The following DHX33 variants were observed in gnomAD, a reference collection of about 807,000 sequenced individuals.
DHX33 encodes DEAH-box helicase 33, also known as ATP-dependent RNA helicase DHX33.
A neutral mutation model predicts 72.5 loss-of-function variants in DHX33; 42 were observed. That is an observed-to-expected ratio of 0.58 (90% CI 0.45 to 0.75). The LOEUF (loss-of-function observed/expected upper bound fraction) is 0.75, where lower values mean the gene tolerates loss of function less well. DHX33 is among the 30% of genes least tolerant of loss of function. DHX33 has a pLI of 0.00. For synonymous variants in DHX33, 358 were observed against 366.1 expected (o/e 0.98, Z 0.25); for missense variants, 842 against 917.5 (o/e 0.92, Z 1.06).
Position 5,468,810 on chromosome 17 carries a change from G to C in DHX33, c.50C>G (p.Ser17Cys), listed in dbSNP as rs745783181. The change falls in exon 1 of 12, where the codon TCT becomes TGT. Residue 17 changes from serine (S) to cysteine (C), a missense_variant. Coordinates refer to ENST00000225296, the MANE Select transcript of DHX33 (RefSeq NM_020162.4). ...FPPAKRFRPG[S>C]GPPSRAGSFP... ...GGACCCAGCGCGGCTCGGAGGTCCA[G>C]AGCCTGGCCGGAATCTCTTGGCCGG... The C allele has an allele frequency of 1.1e-5, 18 of 1,588,070 alleles. No homozygotes were observed. The highest frequency in any genetic ancestry group is 1.4e-5 in the Non-Finnish European group (16 of 1,167,810).
rs1904683864 is a variant in DHX33, at chr17:5,462,442, A to G, written c.555T>C (p.Leu185=). 1 of 1,614,188 alleles carries G rather than the reference A, an allele frequency of 6.2e-7. No individual in the cohort carries two copies. The highest frequency in any genetic ancestry group is 2.2e-5 in the East Asian group (1 of 44,876). Residue 185 remains leucine, a synonymous_variant, in exon 3 of 12, where the codon CTT becomes CTC. Transcript: ENST00000225296. The part of the protein sequence containing the change: ...LLREAISDSL[L]RKYSCVILDE... ...CCAAAATGACACAGCTGTATTTCCGAAGCAAAGAGTCTGAAATTGCTTCAC... is the reference window on the plus strand; with the variant it reads ...CCAAAATGACACAGCTGTATTTCCGGAGCAAAGAGTCTGAAATTGCTTCAC...
chr17:5,460,274 A>G (rs978116198), intron 4 of DHX33, among the ~76,000 whole-genome samples: 5 of 152,070 alleles, frequency 3.3e-5, no homozygotes, highest in African/African-American at 1.2e-4. Context: ...TCGGCCTCCC[A>G]AAGTGCTGGG....
Position 5,468,742 on chromosome 17 carries a change from T to G in DHX33, c.118A>C (p.Ser40Arg). The change falls in exon 1 of 12, where the codon AGC (serine) becomes CGC (arginine). Residue 40 changes from serine to arginine, a missense_variant. Ser to Arg is a moderately radical substitution (Grantham distance 110). Coordinates refer to ENST00000225296, the MANE Select transcript of DHX33 (RefSeq NM_020162.4). ...RQVVMLLTAG[S>R]GGRGGGGGRR... ...CCTCCTCCTCCTCCTCTGCCGCCGCTGCCCGCAGTCAGCAGCATCACCACT... is the reference window on the plus strand; with the variant it reads ...CCTCCTCCTCCTCCTCTGCCGCCGCGGCCCGCAGTCAGCAGCATCACCACT... 6.2e-7 allele frequency: 1 copy of G among 1,611,260 alleles called. No homozygotes were observed. The highest frequency in any genetic ancestry group is 8.5e-7 in the Non-Finnish European group (1 of 1,179,086).
chr17:5,452,923 T>C (rs1169754300), intron 8 of DHX33, among the ~76,000 whole-genome samples: 2 of 152,144 alleles, frequency 1.3e-5, no homozygotes, highest in South Asian at 2.1e-4. Flanking sequence ...TTTAAACCAA[T>C]TGCATTTCTT....
intron 1 of DHX33, among the ~76,000 whole-genome samples, chr17:5,466,830 G>T (rs999620689): frequency 1.3e-5 from 2 of 152,090 alleles, no homozygotes; most frequent in Non-Finnish European, 1.5e-5. Flanking sequence ...ACTTACCAAG[G>T]TTTTCAACAA....
chr17:5,458,649 G>A (rs943798821), intron 4 of DHX33, among the ~76,000 whole-genome samples: 4 of 152,078 alleles, frequency 2.6e-5, no homozygotes, highest in African/African-American at 7.2e-5. Flanking sequence ...GGGTTGGGGA[G>A]GGGCATTCTA....
chr17:5,462,349 C>A lies in DHX33; in HGVS notation c.648G>T (p.Arg216Ser). The change falls in exon 3 of 12, where the codon AGG (arginine) becomes AGT (serine). Residue 216 changes from arginine (R) to serine (S), a missense_variant. Coordinates refer to ENST00000225296, the MANE Select transcript of DHX33 (RefSeq NM_020162.4). Reference sequence around the variant, plus strand: ...GAGGAAGTTTCCCGAGTTCCTTTCTCCTCTTCTGTGCAGCTTTCACCACTC... The same window carrying A: ...GAGGAAGTTTCCCGAGTTCCTTTCTACTCTTCTGTGCAGCTTTCACCACTC... ...LFGVVKAAQK[R>S]RKELGKLPLK... 1 of 1,614,038 alleles carries A rather than the reference C, an allele frequency of 6.2e-7. No individual in the cohort carries two copies. Among genetic ancestry groups the A allele is most frequent in the Non-Finnish European group, 8.5e-7 (1 of 1,180,026 alleles).
intron 11 of DHX33, among the ~76,000 whole-genome samples, chr17:5,446,036 C>T (rs1204326855): frequency 2.0e-5 from 3 of 152,186 alleles, no homozygotes; most frequent in East Asian, 1.9e-4. Context: ...TGCAGTGGCA[C>T]AATCCCAGCT....
Position 5,450,228 on chromosome 17 carries a change from G to T in DHX33, c.1703C>A (p.Thr568Asn). Residue 568 changes from threonine (T) to asparagine (N), a missense_variant, in exon 10 of 12, where the codon ACC becomes AAC. Physicochemically the swap from Thr to Asn is moderately conservative, Grantham distance 65. Coordinates refer to ENST00000225296, the MANE Select transcript of DHX33 (RefSeq NM_020162.4). ...DHMTLLNIYR[T>N]FKNLGGNKDW... ...CTTATTTCCGCCTAGGTTTTTGAAGGTCCGATAGATATTGAGCAGGGTCAT... is the reference window on the plus strand; with the variant it reads ...CTTATTTCCGCCTAGGTTTTTGAAGTTCCGATAGATATTGAGCAGGGTCAT... 1 of 1,614,170 alleles carries T rather than the reference G, an allele frequency of 6.2e-7. No individual in the cohort carries two copies. Among genetic ancestry groups the T allele is most frequent in the African/African-American group, 1.3e-5 (1 of 75,044 alleles).
chr17:5,440,942 G>T lies in DHX33; in HGVS notation c.*3263C>A, dbSNP rs967365231. ...TACAAGATTCATTTTTAATGGATTT[G>T]ATCGTCGGGTGCAAATTTGAGCATT... On this transcript the variant is annotated 3_prime_UTR_variant, in exon 12 of 12. Transcript: ENST00000225296. 6.6e-6 allele frequency: 1 copy of T among 152,216 alleles called. No individual in the cohort carries two copies. Among genetic ancestry groups the T allele is most frequent in the Admixed American group, 6.5e-5 (1 of 15,288 alleles). 9.4% of individuals were successfully genotyped at this position (152,216 alleles called of 1,614,324 possible).
intron 8 of DHX33, among the ~76,000 whole-genome samples, chr17:5,451,608 G>A (rs868414428): frequency 8.6e-5 from 13 of 152,024 alleles, no homozygotes; most frequent in Admixed American, 1.3e-4. Flanking sequence ...GGGGAGGCTG[G>A]GAGACAAGGG....
Position 5,444,280 on chromosome 17 carries a change from G to A in DHX33, c.2049C>T (p.Cys683=), listed in dbSNP as rs911941826. ...YTNKCYMRDL[C]VIDAQWLYEA... ...CGTACAGCCACTGTGCATCTATGAC[G>A]CAGAGGTCCCGCATGTAGCACTTGT... Residue 683 remains cysteine, a synonymous_variant, in exon 12 of 12, where the codon TGC becomes TGT. Coordinates refer to ENST00000225296, the MANE Select transcript of DHX33 (RefSeq NM_020162.4). The surrounding 1 kb of genome is among the most constrained non-coding windows in gnomAD (Gnocchi z 4.9). 10 of 1,614,206 alleles carry A rather than the reference G, an allele frequency of 6.2e-6. No homozygotes were observed. Among genetic ancestry groups the A allele is most frequent in the African/African-American group, 1.3e-5 (1 of 75,052 alleles).
rs1916434584 is a variant in DHX33, at chr17:5,441,464, T to C, written c.*2741A>G. 1 of 152,178 alleles carries C rather than the reference T, an allele frequency of 6.6e-6. No homozygotes were observed. The highest frequency in any genetic ancestry group is 2.4e-5 in the African/African-American group (1 of 41,416). The allele number at this position is 152,178 out of a possible 1,614,324, so 9.4% of individuals were successfully genotyped here. ...TTCTTCCAGATATGGGTTTCGTAGG[T>C]TGGCAAAGAGTTATCACACCATCAG... On this transcript the variant is annotated 3_prime_UTR_variant, in exon 12 of 12. Transcript: ENST00000225296.
chr17:5,455,540 C>T (rs982846627), intron 5 of DHX33, among the ~76,000 whole-genome samples: 1 of 152,170 alleles, frequency 6.6e-6, no homozygotes, highest in Non-Finnish European at 1.5e-5. Context: ...GGAATCGTGG[C>T]CCTGCCAGTG....
At position 5,444,173 on chromosome 17, in the gene DHX33, G is replaced by C; in HGVS notation, c.*32C>G. ...GACAACTGTAGTCCAAGCTCCCAGG[G>C]ACCAGTGATTCTGGCGGCATCCTGG... On this transcript the variant is annotated 3_prime_UTR_variant, in exon 12 of 12. Coordinates refer to ENST00000225296, the MANE Select transcript of DHX33 (RefSeq NM_020162.4). The surrounding 1 kb of genome is among the most constrained non-coding windows in gnomAD (Gnocchi z 4.9). The C allele has an allele frequency of 6.3e-7, 1 of 1,596,032 alleles. No homozygotes were observed. The highest frequency in any genetic ancestry group is 8.6e-7 in the Non-Finnish European group (1 of 1,169,290).
intron 8 of DHX33, among the ~76,000 whole-genome samples, chr17:5,452,043 T>G (rs1597357921): frequency 8.2e-6 from 1 of 122,438 alleles, no homozygotes; most frequent in Non-Finnish European, 1.7e-5. Context: ...TATGGAAGAG[T>G]GGGTACCCCA....
In DHX33 at chr17:5,455,229, AG is replaced by A; in HGVS notation, c.1077del (p.Ser360ProfsTer2). 1 of 1,614,162 alleles carries A rather than the reference AG, an allele frequency of 6.2e-7. No homozygotes were observed. The highest frequency in any genetic ancestry group is 1.7e-5 in the Admixed American group (1 of 60,024). On this transcript the variant is annotated frameshift_variant, in exon 6 of 12. Transcript: ENST00000225296. LOFTEE classifies it high-confidence loss of function. ...KVIISTNIAE[T>X]SITITGIKYV... ...TATTTTATTCCTGTAATGGTTATGG[AG>A]GTTTCAGCGATGTTGGTTGAAATGA... is the stretch of plus-strand genomic sequence containing the variant.
At position 5,466,061 on chromosome 17, in the gene DHX33, C is replaced by G. The variant is rs115501636; in HGVS notation, c.290-2372G>C. ...GCTCGATTCTATCTTCTGCCTCCCTCCCTACTGAGTTCTTCCCCTCAACCT... is the reference window on the plus strand; with the variant it reads ...GCTCGATTCTATCTTCTGCCTCCCTGCCTACTGAGTTCTTCCCCTCAACCT... On this transcript the variant is annotated intron_variant, in intron 1 of 11. Coordinates refer to ENST00000225296, the MANE Select transcript of DHX33 (RefSeq NM_020162.4). Among the ~76,000 whole-genome samples, 1,494 of 152,304 alleles carry G rather than the reference C, an allele frequency of 9.8e-3. 26 individuals are homozygous for G. Among genetic ancestry groups the G allele is most frequent in the African/African-American group, 0.032 (1,345 of 41,546 alleles).
At position 5,468,686 on chromosome 17, in the gene DHX33, G is replaced by A; in HGVS notation, c.174C>T (p.Pro58=). ...CAGCTTCAGGGTAGGGACTGGCCGA[G>A]GGCTGGGCCAGGGGCGGCTGCTGCC... ...GRRQQPPLAQ[P]SASPYPEAVE... is the part of the protein sequence containing the mutation. Residue 58 remains proline (P), a synonymous_variant, in exon 1 of 12, where the codon CCC becomes CCT. Transcript: ENST00000225296. 1 of 1,612,286 alleles carries A rather than the reference G, an allele frequency of 6.2e-7. No homozygotes were observed. The highest frequency in any genetic ancestry group is 1.1e-5 in the South Asian group (1 of 91,016).
Sources: allele counts gnomAD v4.1 joint callset (sites outside exome capture counted in the v4.1 genomes callset), GRCh38; gene constraint gnomAD v4.1.1; non-coding constraint Gnocchi (gnomAD v3.1); transcripts MANE v1.5; gene names NCBI Gene and HGNC (gene_info 2026-07-23, HGNC 2026-07-21).